The following RELCH variants were observed in gnomAD, a reference collection of about 807,000 sequenced individuals.
RELCH encodes the protein RAB11 binding and LisH domain, coiled-coil and HEAT repeat containing.
A neutral mutation model predicts 150.3 loss-of-function variants in RELCH; 41 were observed. The observed-to-expected ratio is 0.27, with a 90% confidence interval of 0.21 to 0.35. The LOEUF (loss-of-function observed/expected upper bound fraction) is 0.35, where lower values mean the gene tolerates loss of function less well. Among genes scored for constraint, RELCH ranks in the 10% least tolerant of loss-of-function variants. RELCH has a pLI of 1.00. For missense variants in RELCH, 1,092 were observed against 1,467.8 expected (o/e 0.74, Z 4.18); for synonymous variants, 478 against 531.8 (o/e 0.90, Z 1.39).
At chr18:62,231,864 T>C (rs1021567451) in intron 9 of RELCH, among the ~76,000 whole-genome samples, 1 of 152,050 alleles carries the variant, frequency 6.6e-6, no homozygotes, top group South Asian at 2.1e-4. Context: ...TAGAGGATGG[T>C]TTGGATGCAC....
In RELCH at chr18:62,238,217, T is replaced by G. The variant is rs145529029; in HGVS notation, c.1620+5790T>G. Among the ~76,000 whole-genome samples, 313 of 152,078 alleles carry G rather than the reference T, an allele frequency of 2.1e-3. 1 individual carries two copies. The East Asian group carries it at 0.022, about 11-fold the overall frequency. ...TTTAAAGTCAAATATTTATCTCTGC[T>G]GTAATCTTTATTATTTCCTTCCTTC... On this transcript the variant is annotated intron_variant, in intron 10 of 28. Coordinates refer to ENST00000644646, the MANE Select transcript of RELCH (RefSeq NM_001346231.2).
chr18:62,274,296 A>T (rs922929911), intron 21 of RELCH, among the ~76,000 whole-genome samples: 3 of 152,182 alleles, frequency 2.0e-5, no homozygotes, highest in African/African-American at 7.2e-5. Flanking sequence ...ATTGTAATTT[A>T]AAAAGTAGGG....
At chr18:62,193,064 C>G (rs1599759640) in intron 1 of RELCH, among the ~76,000 whole-genome samples, 1 of 152,194 alleles carries the variant, frequency 6.6e-6, no homozygotes, top group South Asian at 2.1e-4. Flanking sequence ...GTTTGTAGTT[C>G]TCCTTGAAGA....
chr18:62,234,881 T>G lies in RELCH; in HGVS notation c.1620+2454T>G, dbSNP rs187895007. Reference sequence around the variant, plus strand: ...CAAATATTTTCTTTCATCCTGTAGGTTTTCTTTTTACACTCTTGACCATAT... The same window carrying G: ...CAAATATTTTCTTTCATCCTGTAGGGTTTCTTTTTACACTCTTGACCATAT... On this transcript the variant is annotated intron_variant, in intron 10 of 28. Coordinates refer to ENST00000644646, the MANE Select transcript of RELCH (RefSeq NM_001346231.2). 7.2e-5 allele frequency: 11 copies of G among 152,118 alleles called. No homozygotes were observed. The East Asian group carries it at 2.1e-3, about 29-fold the overall frequency. The allele number at this position is 152,118 out of a possible 1,614,324, so 9.4% of individuals were successfully genotyped here.
At position 62,231,293 on chromosome 18, in the gene RELCH, C is replaced by G. The variant is rs199618714; in HGVS notation, c.1524+24C>G. ...AGGTAAATTATACCACCTATTTCCA[C>G]AACTTTTTAAAAACATTCTACTGTT... On this transcript the variant is annotated intron_variant, in intron 9 of 28. Coordinates refer to ENST00000644646, the MANE Select transcript of RELCH (RefSeq NM_001346231.2). 5 of 1,450,358 alleles carry G rather than the reference C, an allele frequency of 3.4e-6. No individual in the cohort carries two copies. The African/African-American group carries it at 7.1e-5, about 21-fold the overall frequency. 89.8% of individuals were successfully genotyped at this position (1,450,358 alleles called of 1,614,324 possible). A position where few individuals can be genotyped will look rare whatever the true frequency, so the allele number is the denominator to read the frequency against.
intron 10 of RELCH, among the ~76,000 whole-genome samples, chr18:62,242,828 T>C (rs78995523): frequency 0.017 from 2,590 of 152,094 alleles, 83 homozygotes; most frequent in East Asian, 0.13. Context: ...AAGATTATAC[T>C]CTACATTTTA....
At chr18:62,232,961 A>G (rs2041670873) in intron 10 of RELCH, among the ~76,000 whole-genome samples, 1 of 152,030 alleles carries the variant, frequency 6.6e-6, no homozygotes, top group South Asian at 2.1e-4. Flanking sequence ...TATTGACTAC[A>G]ACAACTTTTT....
intron 1 of RELCH, among the ~76,000 whole-genome samples, chr18:62,189,273 TTG>T (rs1491129543): frequency 8.7e-5 from 11 of 126,228 alleles, no homozygotes; most frequent in Non-Finnish European, 1.3e-4. Flanking sequence ...TTTTTTTTTG[TTG>T]TTTTTTTTTT....
At chr18:62,213,207 A>T (rs1223789697) in intron 2 of RELCH, among the ~76,000 whole-genome samples, 1 of 152,072 alleles carries the variant, frequency 6.6e-6, no homozygotes, top group African/African-American at 2.4e-5. Flanking sequence ...TTATTTAGAG[A>T]CTATATCTAG....
chr18:62,189,241 G>T lies in RELCH; in HGVS notation c.526+1210G>T, dbSNP rs137902687. ...GTAGTGTAACAAAATTGTTATGTGT[G>T]GTGGTGGGTCTTTTTTTGTTTTTTT... is the stretch of plus-strand genomic sequence containing the variant. On this transcript the variant is annotated intron_variant, in intron 1 of 28. Transcript: ENST00000644646. Among the ~76,000 whole-genome samples the T allele has an allele frequency of 4.0e-3, 603 of 149,236 alleles. 2 individuals are homozygous for T. Among genetic ancestry groups the T allele is most frequent in the African/African-American group, 0.014 (572 of 40,790 alleles).
intron 18 of RELCH, 134 bp downstream of exon 18, chr18:62,264,986 T>G: frequency 7.5e-6 from 5 of 668,552 alleles, no homozygotes; most frequent in African/African-American, 1.8e-5. Flanking sequence ...TAGAATACTA[T>G]GATAGTAAAA....
intron 10 of RELCH, among the ~76,000 whole-genome samples, chr18:62,236,387 A>G (rs766067755): frequency 2.0e-5 from 3 of 151,680 alleles, no homozygotes; most frequent in Non-Finnish European, 4.4e-5. Context: ...TTTTTTGTCT[A>G]TATTCATAAG....
At chr18:62,253,709 C>G (rs949172648) in intron 12 of RELCH, among the ~76,000 whole-genome samples, 2 of 151,960 alleles carry the variant, frequency 1.3e-5, no homozygotes, top group Admixed American at 6.6e-5. Context: ...AGTAGAAACC[C>G]TAGATTCAAT....
rs1348911823 is a variant in RELCH, at chr18:62,310,035, C to T, written c.*4501C>T. ...TTCAGGACATGCATCTTCAATGAAGCTGGAAATGTTACAGATAATCTCTCT... is the reference window on the plus strand; with the variant it reads ...TTCAGGACATGCATCTTCAATGAAGTTGGAAATGTTACAGATAATCTCTCT... On this transcript the variant is annotated 3_prime_UTR_variant, in exon 29 of 29. Transcript: ENST00000644646. The T allele has an allele frequency of 5.9e-5, 9 of 152,138 alleles. No individual in the cohort carries two copies. Among genetic ancestry groups the T allele is most frequent in the East Asian group, 5.8e-4 (3 of 5,196 alleles). The allele number at this position is 152,138 out of a possible 1,614,324, so 9.4% of individuals were successfully genotyped here.
intron 2 of RELCH, among the ~76,000 whole-genome samples, chr18:62,211,654 C>A (rs1448382321): frequency 6.6e-6 from 1 of 152,060 alleles, no homozygotes; most frequent in East Asian, 1.9e-4. Flanking sequence ...TGGTGGTTCA[C>A]ACCTGTAATC....
In RELCH at chr18:62,228,320, C is replaced by T. The variant is rs745425242; in HGVS notation, c.1170C>T (p.Leu390=). ...CTTTCTACAGTGAAATGGACTTCCTCAAAAATGAACACTTTGCCATCCCAG... is the reference window on the plus strand; with the variant it reads ...CTTTCTACAGTGAAATGGACTTCCTTAAAAATGAACACTTTGCCATCCCAG... ...IRRLKSEMDF[L]KNEHFAIPAV... The change falls in exon 8 of 29, where the codon CTC becomes CTT. Residue 390 remains leucine (L), a synonymous_variant. Transcript: ENST00000644646. The T allele has an allele frequency of 6.2e-7, 1 of 1,610,154 alleles. No homozygotes were observed. The highest frequency in any genetic ancestry group is 1.1e-5 in the South Asian group (1 of 90,312).
chr18:62,221,099 A>G lies in RELCH; in HGVS notation c.679A>G (p.Lys227Glu). The G allele has an allele frequency of 6.2e-7, 1 of 1,613,408 alleles. No homozygotes were observed. The highest frequency in any genetic ancestry group is 8.5e-7 in the Non-Finnish European group (1 of 1,179,554). ...TCAGGCCCTCCGAGCCAACCTGACA[A>G]AGGCCGCAGGTGGTGTACATAAAAC... Reference protein sequence around the residue: ...TIQALRANLTKAAEHEVPLQE... With the variant: ...TIQALRANLTEAAEHEVPLQE... Residue 227 changes from lysine (K) to glutamate (E), a missense_variant, in exon 3 of 29, where the codon AAG becomes GAG. Physicochemically the swap from Lys to Glu is moderately conservative, Grantham distance 56. This residue lies in a region of RELCH where 190 missense variants were observed against 276.2 expected (regional missense o/e 0.69). Transcript: ENST00000644646.
intron 1 of RELCH, 24 bp downstream of exon 1, chr18:62,188,055 C>G: frequency 1.3e-6 from 2 of 1,525,924 alleles, no homozygotes; most frequent in Non-Finnish European, 1.8e-6. Flanking sequence ...GCCTGTCACA[C>G]TCCGGCAGGG....
At chr18:62,206,695 T>G (rs901181521) in intron 1 of RELCH, among the ~76,000 whole-genome samples, 2 of 152,216 alleles carry the variant, frequency 1.3e-5, no homozygotes, top group East Asian at 3.8e-4. Context: ...AAAAAAGTTT[T>G]GTGTGTGTAA....
Sources: allele counts gnomAD v4.1 joint callset (sites outside exome capture counted in the v4.1 genomes callset), GRCh38; gene constraint gnomAD v4.1.1; regional missense constraint gnomAD v4.1.1; transcripts MANE v1.5; gene names NCBI Gene and HGNC (gene_info 2026-07-23, HGNC 2026-07-21).